Variants in HNRNPUL2 observed in about 807,000 individuals in gnomAD.
HNRNPUL2 encodes the protein heterogeneous nuclear ribonucleoprotein U like 2, also known as heterogeneous nuclear ribonucleoprotein U-like protein 2.
Under a neutral mutation model 102.2 loss-of-function variants are expected in HNRNPUL2, and 27 were observed. The ratio of observed to expected loss-of-function variants is 0.26; its 90% confidence interval spans 0.19 to 0.36. The LOEUF (loss-of-function observed/expected upper bound fraction) is 0.36, where lower values mean the gene tolerates loss of function less well. Among genes scored for constraint, HNRNPUL2 ranks in the 10% least tolerant of loss-of-function variants. HNRNPUL2 has a pLI of 1.00. For synonymous variants in HNRNPUL2, 458 were observed against 387.2 expected, an observed-to-expected ratio of 1.18 and a Z score of -2.15; for missense variants, 936 against 981.1, an observed-to-expected ratio of 0.95 and a Z score of 0.61.
rs2083764055 is a variant in HNRNPUL2, at chr11:62,727,255, T to A, written c.-99A>T. 2 of 1,274,036 alleles carry A rather than the reference T, an allele frequency of 1.6e-6. No homozygotes were observed. The highest frequency in any genetic ancestry group is 2.0e-6 in the Non-Finnish European group (2 of 1,006,494). 78.9% of individuals were successfully genotyped at this position (1,274,036 alleles called of 1,614,324 possible). A position where few individuals can be genotyped will look rare whatever the true frequency, so the allele number is the denominator to read the frequency against. On this transcript the variant is annotated 5_prime_UTR_variant, in exon 1 of 14. Coordinates refer to ENST00000301785, the MANE Select transcript of HNRNPUL2 (RefSeq NM_001079559.3). ...GCCGCCGCCGCCGCCCGCCTCCGCC[T>A]CACGCGCCAGCACTGAGCCCGCGCG... is the stretch of plus-strand genomic sequence containing the variant.
intron 1 of HNRNPUL2, 86 bp downstream of exon 1, chr11:62,726,533 G>A: frequency 7.5e-7 from 1 of 1,331,168 alleles, no homozygotes; most frequent in Non-Finnish European, 9.9e-7. Context: ...CGAGAACAAG[G>A]ACTCGGACCC....
At position 62,717,024 on chromosome 11, in the gene HNRNPUL2, C is replaced by T; in HGVS notation, c.1946G>A (p.Arg649His). ...GCCCCGGCTTCGGTTCTGCCGGTTA[C>T]GCTTGTTTCGGTTGTTTCGGCGATT... is the stretch of plus-strand genomic sequence containing the variant. ...RTNRRNNRNK[R>H]NRQNRSRGQG... Residue 649 changes from arginine (R) to histidine (H), a missense_variant, in exon 11 of 14, where the codon CGT (arginine) becomes CAT (histidine). By Grantham distance (29) the Arg-to-His change is conservative. Transcript: ENST00000301785. The T allele has an allele frequency of 1.9e-6, 3 of 1,613,680 alleles. No homozygotes were observed. Among genetic ancestry groups the T allele is most frequent in the Non-Finnish European group, 2.5e-6 (3 of 1,179,998 alleles).
intron 8 of HNRNPUL2, 36 bp downstream of exon 8, chr11:62,721,784 A>G: frequency 6.2e-7 from 1 of 1,610,808 alleles, no homozygotes; most frequent in African/African-American, 1.3e-5. Flanking sequence ...AGAGTCTCCA[A>G]ATACTGTATC....
chr11:62,723,901 GC>G lies in HNRNPUL2; in HGVS notation c.751+12del. 6.2e-7 allele frequency: 1 copy of G among 1,612,090 alleles called. No homozygotes were observed. The highest frequency in any genetic ancestry group is 8.5e-7 in the Non-Finnish European group (1 of 1,178,250). On this transcript the variant is annotated intron_variant, in intron 3 of 13. Coordinates refer to ENST00000301785, the MANE Select transcript of HNRNPUL2 (RefSeq NM_001079559.3). Reference sequence around the variant, plus strand: ...ATTAGTTAAAAACCACAGTCTGTCTGCCTTATACATACACGTGTCCAGGTTC... The same window carrying G: ...ATTAGTTAAAAACCACAGTCTGTCTGCTTATACATACACGTGTCCAGGTTC...
At position 62,717,096 on chromosome 11, in the gene HNRNPUL2, T is replaced by A; in HGVS notation, c.1874A>T (p.Tyr625Phe). 6.2e-7 allele frequency: 1 copy of A among 1,614,192 alleles called. No homozygotes were observed. Among genetic ancestry groups the A allele is most frequent in the Non-Finnish European group, 8.5e-7 (1 of 1,180,028 alleles). ...CAGAAGCTTCCTTGCCTCCTCCTTG[T>A]ACTTAGTGACAATGGGCTGAGCTTC... ...KEEAQPIVTK[Y>F]KEEARKLLPP... is the part of the protein sequence containing the mutation. The change falls in exon 11 of 14, where the codon TAC (tyrosine) becomes TTC (phenylalanine). Residue 625 changes from tyrosine to phenylalanine, a missense_variant. Coordinates refer to ENST00000301785, the MANE Select transcript of HNRNPUL2 (RefSeq NM_001079559.3).
intron 12 of HNRNPUL2, 28 bp from the exon 13 acceptor site, chr11:62,715,635 A>G (rs769547188): frequency 1.9e-6 from 3 of 1,558,050 alleles, no homozygotes; most frequent in Non-Finnish European, 2.7e-6. Context: ...AAAGGAGTGA[A>G]GGTTTATGGG....
chr11:62,715,616 G>A lies in HNRNPUL2; in HGVS notation c.2056-9C>T, dbSNP rs1435389368. On this transcript the variant is annotated splice_polypyrimidine_tract_variant and intron_variant, in intron 12 of 13. Transcript: ENST00000301785. ...TAGAAATTACGGTAACCCTGAGAAA[G>A]GAAAAGAAAAAGGAGTGAAGGTTTA... 3 of 1,604,068 alleles carry A rather than the reference G, an allele frequency of 1.9e-6. No homozygotes were observed. The highest frequency in any genetic ancestry group is 1.7e-5 in the Admixed American group (1 of 59,824).
intron 11 of HNRNPUL2, 114 bp from the exon 12 acceptor site, chr11:62,716,051 G>T: frequency 1.4e-6 from 1 of 721,476 alleles, no homozygotes; most frequent in Non-Finnish European, 2.2e-6. Flanking sequence ...TATGAGGCCT[G>T]CTTCGGCCAG....
chr11:62,721,479 G>C (rs965421756), intron 8 of HNRNPUL2, 56 bp from the exon 9 acceptor site: 3 of 1,484,314 alleles, frequency 2.0e-6, no homozygotes, highest in East Asian at 2.3e-5. Context: ...TATATTGCAA[G>C]TTAAAGCCCA....
chr11:62,723,742 C>T lies in HNRNPUL2; in HGVS notation c.752-16G>A. 6.2e-7 allele frequency: 1 copy of T among 1,613,986 alleles called. No homozygotes were observed. Among genetic ancestry groups the T allele is most frequent in the African/African-American group, 1.3e-5 (1 of 75,044 alleles). Reference sequence around the variant, plus strand: ...TCCGAGGTATCTGTAAAGAAAGAAGCAATCAGTTTACTCCAATGTCCAATA... The same window carrying T: ...TCCGAGGTATCTGTAAAGAAAGAAGTAATCAGTTTACTCCAATGTCCAATA... On this transcript the variant is annotated splice_polypyrimidine_tract_variant and intron_variant, in intron 3 of 13. Coordinates refer to ENST00000301785, the MANE Select transcript of HNRNPUL2 (RefSeq NM_001079559.3).
At position 62,722,637 on chromosome 11, in the gene HNRNPUL2, C is replaced by G; in HGVS notation, c.1059G>C (p.Gln353His). ...CAATAACATCATTCTCCCCAAAAGTCTGGCCAAATTCCTCAAATTGTCCAT... is the reference window on the plus strand; with the variant it reads ...CAATAACATCATTCTCCCCAAAAGTGTGGCCAAATTCCTCAAATTGTCCAT... ...AENGQFEEFG[Q>H]TFGENDVIGC... is the part of the protein sequence containing the mutation. The change falls in exon 6 of 14, where the codon CAG (glutamine) becomes CAC (histidine). Residue 353 changes from glutamine to histidine, a missense_variant. This residue lies in a region of HNRNPUL2 where 609 missense variants were observed against 713.0 expected (regional missense o/e 0.85). Transcript: ENST00000301785. 6.2e-7 allele frequency: 1 copy of G among 1,614,178 alleles called. No homozygotes were observed. Among genetic ancestry groups the G allele is most frequent in the Admixed American group, 1.7e-5 (1 of 60,022 alleles).
Position 62,722,360 on chromosome 11 carries a change from T to G in HNRNPUL2, c.1116A>C (p.Val372=). ...CTCCATTCTTGGAGAAGGAAAGTTC[T>G]ACTTCTTCAGTCTCAAAATTCTACA... ...GCFANFETEE[V]ELSFSKNGED... Residue 372 remains valine (V), a synonymous_variant, in exon 7 of 14, where the codon GTA becomes GTC. Transcript: ENST00000301785. 1 of 1,613,962 alleles carries G rather than the reference T, an allele frequency of 6.2e-7. No homozygotes were observed. The highest frequency in any genetic ancestry group is 8.5e-7 in the Non-Finnish European group (1 of 1,179,906).
At chr11:62,720,714 A>G (rs2083695335) in intron 9 of HNRNPUL2, among the ~76,000 whole-genome samples, 2 of 151,820 alleles carry the variant, frequency 1.3e-5, no homozygotes, top group African/African-American at 4.8e-5. Flanking sequence ...AATACAAAAA[A>G]TTAGCCAGGC....
Position 62,713,604 on chromosome 11 carries a change from A to G in HNRNPUL2, c.*1695T>C, listed in dbSNP as rs1304988066. 1 of 152,250 alleles carries G rather than the reference A, an allele frequency of 6.6e-6. No individual in the cohort carries two copies. Among genetic ancestry groups the G allele is most frequent in the East Asian group, 1.9e-4 (1 of 5,196 alleles). The allele number at this position is 152,250 out of a possible 1,614,324, so 9.4% of individuals were successfully genotyped here. A position where few individuals can be genotyped will look rare whatever the true frequency, so the allele number is the denominator to read the frequency against. ...TGGGCGGAAGGGTGTGTCATGACAG[A>G]CAAGGACACTAGAGGCCAGAATAAG... On this transcript the variant is annotated 3_prime_UTR_variant, in exon 14 of 14. Transcript: ENST00000301785.
In HNRNPUL2 at chr11:62,723,626, A is replaced by G. The variant is rs1379897013; in HGVS notation, c.852T>C (p.Thr284=). The G allele has an allele frequency of 6.2e-7, 1 of 1,613,938 alleles. No individual in the cohort carries two copies. The highest frequency in any genetic ancestry group is 1.1e-5 in the South Asian group (1 of 91,054). The change falls in exon 4 of 14, where the codon ACT becomes ACC. Residue 284 remains threonine (T), a synonymous_variant. Coordinates refer to ENST00000301785, the MANE Select transcript of HNRNPUL2 (RefSeq NM_001079559.3). ...AGACTTTTCCCTTTGTCACTCCGTA[A>G]GTACTCCTTGCCCCAGACCAAAGGG... The part of the protein sequence containing the change: ...FPTLWSGARS[T]YGVTKGKVCF...
intron 1 of HNRNPUL2, among the ~76,000 whole-genome samples, chr11:62,725,511 A>T (rs996634055): frequency 1.8e-4 from 28 of 152,064 alleles, no homozygotes; most frequent in East Asian, 9.6e-4. Flanking sequence ...TCCTTCAATT[A>T]TTTTTTTATC....
chr11:62,715,225 G>A lies in HNRNPUL2; in HGVS notation c.*74C>T, dbSNP rs2083650548. Reference sequence around the variant, plus strand: ...ACCCCGACAGCCCCTGTTTTCCTTGGTTGTGTTTTGCGGGGGTGCCTGGCA... The same window carrying A: ...ACCCCGACAGCCCCTGTTTTCCTTGATTGTGTTTTGCGGGGGTGCCTGGCA... On this transcript the variant is annotated 3_prime_UTR_variant, in exon 14 of 14. Coordinates refer to ENST00000301785, the MANE Select transcript of HNRNPUL2 (RefSeq NM_001079559.3). 1.8e-6 allele frequency: 2 copies of A among 1,119,652 alleles called. No individual in the cohort carries two copies. Among genetic ancestry groups the A allele is most frequent in the Admixed American group, 2.1e-5 (1 of 47,256 alleles). The allele number at this position is 1,119,652 out of a possible 1,614,324, so 69.4% of individuals were successfully genotyped here.
At chr11:62,721,098 T>C (rs1371682996) in intron 9 of HNRNPUL2, among the ~76,000 whole-genome samples, 197 bp downstream of exon 9, 1 of 152,172 alleles carries the variant, frequency 6.6e-6, no homozygotes, top group Non-Finnish European at 1.5e-5. Context: ...ATTGTCTTTA[T>C]TACATGTTTT....
Position 62,714,940 on chromosome 11 carries a change from A to G in HNRNPUL2, c.*359T>C. On this transcript the variant is annotated 3_prime_UTR_variant, in exon 14 of 14. Coordinates refer to ENST00000301785, the MANE Select transcript of HNRNPUL2 (RefSeq NM_001079559.3). ...GCCAGTCCAGCTGCCTCAGAATGTCAGAAGGGTGCCATTTTCAGTTCTTTT... is the reference window on the plus strand; with the variant it reads ...GCCAGTCCAGCTGCCTCAGAATGTCGGAAGGGTGCCATTTTCAGTTCTTTT... 5.2e-6 allele frequency: 1 copy of G among 192,406 alleles called. No homozygotes were observed. Among genetic ancestry groups the G allele is most frequent in the South Asian group, 9.6e-5 (1 of 10,456 alleles). 11.9% of individuals were successfully genotyped at this position (192,406 alleles called of 1,614,324 possible).
Sources: allele counts gnomAD v4.1 joint callset (sites outside exome capture counted in the v4.1 genomes callset), GRCh38; gene constraint gnomAD v4.1.1; regional missense constraint gnomAD v4.1.1; transcripts MANE v1.5; gene names NCBI Gene and HGNC (gene_info 2026-07-23, HGNC 2026-07-21).